Variants in AHCY observed in about 807,000 individuals in gnomAD.
The protein encoded by AHCY is S-adenosyl-L-homocysteine hydrolase.
In AHCY, 24 loss-of-function variants were observed where a neutral mutation model predicts 45.4. The observed-to-expected ratio is 0.53, with a 90% CI of 0.38 to 0.74. The LOEUF is 0.74. Among genes scored for constraint, AHCY ranks in the 30% least tolerant of loss-of-function variants. The pLI is 0.00. For missense variants in AHCY, 449 were observed against 594.1 expected, an observed-to-expected ratio of 0.76 and a Z score of 2.54; for synonymous variants, 245 against 235.1, an observed-to-expected ratio of 1.04 and a Z score of -0.39.
the AHCY span, among the ~76,000 whole-genome samples, chr20:34,266,603 A>G: frequency 6.6e-6 from 1 of 151,730 alleles, no homozygotes. Flanking sequence ...AACCCGGGAG[A>G]TGAAGGTTGC....
chr20:34,303,310 G>C lies in AHCY; in HGVS notation c.-40C>G. On this transcript the variant is annotated 5_prime_UTR_variant, in exon 1 of 10. Transcript: ENST00000217426. ...TGATGGAAACGGGCGAAGGGGGCTG[G>C]GCCTCAGTCTGGGAACAGGAACTGG... The C allele has an allele frequency of 6.4e-7, 1 of 1,551,716 alleles. No homozygotes were observed. The highest frequency in any genetic ancestry group is 1.4e-5 in the African/African-American group (1 of 73,194).
chr20:34,269,540 C>A, the AHCY span, among the ~76,000 whole-genome samples: 6 of 152,000 alleles, frequency 3.9e-5, no homozygotes, highest in Non-Finnish European at 7.4e-5. Context: ...ACACCCGAGG[C>A]TGCCTCCAAA....
intron 8 of AHCY, chr20:34,286,008 G>A (rs576411500): frequency 2.9e-5 from 9 of 312,128 alleles, no homozygotes; most frequent in Non-Finnish European, 5.6e-5. Context: ...GGGAGGCTGA[G>A]GCAGGAGAAT....
the AHCY span, among the ~76,000 whole-genome samples, chr20:34,243,249 G>A: frequency 6.6e-6 from 1 of 152,154 alleles, no homozygotes; most frequent in Non-Finnish European, 1.5e-5. Flanking sequence ...CAGGCAGTCT[G>A]GGCCTGCCAT....
chr20:34,247,301 T>A, the AHCY span, among the ~76,000 whole-genome samples: 1 of 134,456 alleles, frequency 7.4e-6, no homozygotes, highest in East Asian at 2.2e-4. Context: ...TATATGATGC[T>A]TTTTTTTTTT....
At chr20:34,258,425 G>A in the AHCY span, among the ~76,000 whole-genome samples, 1 of 149,544 alleles carries the variant, frequency 6.7e-6, no homozygotes, top group South Asian at 2.1e-4. Flanking sequence ...CATATGAAAT[G>A]TGAGAAGGGC....
the AHCY span, among the ~76,000 whole-genome samples, chr20:34,261,744 G>C: frequency 6.6e-6 from 1 of 152,008 alleles, no homozygotes; most frequent in East Asian, 1.9e-4. Flanking sequence ...CGACGCTGCA[G>C]TGAGCTATGA....
the AHCY span, among the ~76,000 whole-genome samples, chr20:34,242,176 G>T: frequency 6.7e-6 from 1 of 149,878 alleles, no homozygotes; most frequent in Non-Finnish European, 1.5e-5. Flanking sequence ...AGTCATTTTT[G>T]GTTTCCTTTT....
chr20:34,253,339 C>T, the AHCY span, among the ~76,000 whole-genome samples: 4 of 151,866 alleles, frequency 2.6e-5, no homozygotes, highest in African/African-American at 7.2e-5. Context: ...ATCTCCTGAC[C>T]TCATGATCCG....
At position 34,285,626 on chromosome 20, in the gene AHCY, C is replaced by T. The variant is rs1338041155; in HGVS notation, c.981G>A (p.Arg327=). ...EKVNIKPQVD[R]YRLKNGRRII... is the part of the protein sequence containing the mutation. Reference sequence around the variant, plus strand: ...TGCGGCGCCCATTCTTCAACCGATACCGGTCCACCTACACGCAGGCAGGGC... The same window carrying T: ...TGCGGCGCCCATTCTTCAACCGATATCGGTCCACCTACACGCAGGCAGGGC... The change falls in exon 9 of 10, where the codon CGG becomes CGA. Residue 327 remains arginine (R), a synonymous_variant. Transcript: ENST00000217426. 6.2e-7 allele frequency: 1 copy of T among 1,613,352 alleles called. No homozygotes were observed. Among genetic ancestry groups the T allele is most frequent in the Admixed American group, 1.7e-5 (1 of 60,008 alleles).
chr20:34,303,466 T>A (rs1601690775), upstream of AHCY: 4 of 772,664 alleles, frequency 5.2e-6, no homozygotes, highest in East Asian at 1.1e-4. Flanking sequence ...TTTCGATCCC[T>A]GAAAAGAAGC....
At chr20:34,237,271 A>C in the AHCY span, among the ~76,000 whole-genome samples, 1 of 152,270 alleles carries the variant, frequency 6.6e-6, no homozygotes, top group Admixed American at 6.5e-5. Flanking sequence ...TGCCAAAAAA[A>C]ACCTCCTAGA....
At chr20:34,253,487 T>G in the AHCY span, among the ~76,000 whole-genome samples, 1 of 147,562 alleles carries the variant, frequency 6.8e-6, no homozygotes, top group Non-Finnish European at 1.5e-5. Context: ...TTATTTATTT[T>G]TTAGAGACAG....
chr20:34,237,428 G>T, the AHCY span, among the ~76,000 whole-genome samples: 1 of 152,108 alleles, frequency 6.6e-6, no homozygotes, highest in Non-Finnish European at 1.5e-5. Flanking sequence ...TGCTTTTGTA[G>T]ATTGAATCAT....
the AHCY span, among the ~76,000 whole-genome samples, chr20:34,275,195 T>TGC: frequency 1.2e-3 from 185 of 150,616 alleles, 8 homozygotes; most frequent in South Asian, 0.038. Context: ...TGCAGTGGCT[T>TGC]GATCTCCGCT....
chr20:34,307,051 A>G (rs1327804695), upstream of AHCY, among the ~76,000 whole-genome samples: 1 of 151,792 alleles, frequency 6.6e-6, no homozygotes, highest in East Asian at 1.9e-4. Context: ...GCAAGATGTC[A>G]CCATTGGGAG....
the AHCY span, among the ~76,000 whole-genome samples, chr20:34,268,284 C>G: frequency 6.6e-6 from 1 of 152,154 alleles, no homozygotes. Context: ...AAGACAGCTC[C>G]TGCTGGGTTC....
At chr20:34,244,866 A>G in the AHCY span, among the ~76,000 whole-genome samples, 1 of 152,212 alleles carries the variant, frequency 6.6e-6, no homozygotes, top group Admixed American at 6.5e-5. Flanking sequence ...CCACAAATTT[A>G]TTAGATTCAC....
chr20:34,253,643 TG>T, the AHCY span, among the ~76,000 whole-genome samples: 1 of 152,018 alleles, frequency 6.6e-6, no homozygotes, highest in Non-Finnish European at 1.5e-5. Flanking sequence ...GGCTAATTTT[TG>T]TATTTTTAGT....
Sources: gnomAD v4.1 joint callset for allele counts (sites outside exome capture counted in the v4.1 genomes callset) on GRCh38, gnomAD v4.1.1 for gene constraint, MANE v1.5 for transcripts, NCBI Gene and HGNC (gene_info 2026-07-23, HGNC 2026-07-21) for gene names.